Variants in CFAP221 observed in about 807,000 individuals in gnomAD.
CFAP221 encodes the protein cilia- and flagella-associated protein 221.
A neutral mutation model predicts 113.1 loss-of-function variants in CFAP221; 97 were observed. That is an observed-to-expected ratio of 0.86 (90% CI 0.73 to 1.02). CFAP221 has a LOEUF of 1.02. Among genes scored for constraint, CFAP221 ranks in the 50% least tolerant of loss-of-function variants. The pLI is 0.00. For synonymous variants in CFAP221, 331 were observed against 354.4 expected (o/e 0.93, Z 0.74); for missense variants, 1,025 against 1,013.4 (o/e 1.01, Z -0.16).
chr2:119,611,959 G>C (rs967211701), intron 13 of CFAP221, among the ~76,000 whole-genome samples: 2 of 152,080 alleles, frequency 1.3e-5, no homozygotes, highest in African/African-American at 4.8e-5. Flanking sequence ...ACATACTTTG[G>C]CCACTCCTTT....
At position 119,653,337 on chromosome 2, in the gene CFAP221, C is replaced by T. The variant is rs887131729; in HGVS notation, c.2414+1268C>T. Reference sequence around the variant, plus strand: ...CAAAGGTTTCAGTGAGCCAAGATCGCGCCATTGCACTCCAGCTGGGTGACA... The same window carrying T: ...CAAAGGTTTCAGTGAGCCAAGATCGTGCCATTGCACTCCAGCTGGGTGACA... On this transcript the variant is annotated intron_variant, in intron 23 of 23. Transcript: ENST00000413369. Among the ~76,000 whole-genome samples the T allele has an allele frequency of 5.3e-5, 8 of 152,024 alleles. No homozygotes were observed. In the East Asian group the frequency reaches 5.8e-4, roughly 11 times the overall value.
chr2:119,567,063 T>G (rs146817845), intron 6 of CFAP221, among the ~76,000 whole-genome samples: 2 of 152,282 alleles, frequency 1.3e-5, no homozygotes, highest in East Asian at 3.9e-4. Context: ...CATGCAGAGC[T>G]TCTCCTTATC....
chr2:119,620,242 A>C (rs935788128), intron 14 of CFAP221, among the ~76,000 whole-genome samples: 9 of 152,164 alleles, frequency 5.9e-5, no homozygotes, highest in Non-Finnish European at 1.2e-4. Context: ...TACAGAGAAC[A>C]CCACAAAGAT....
rs1218598839 is a variant in CFAP221 at position 119,568,610 on chromosome 2, G to A, written c.527+6496G>A. Among the ~76,000 whole-genome samples, 3 of 152,168 alleles carry A rather than the reference G, an allele frequency of 2.0e-5. No individual in the cohort carries two copies. The East Asian group carries it at 5.8e-4, about 29-fold the overall frequency. ...GCAGTGTTTGATTTTCTGTTCCTGT[G>A]TTAGTTGGCTGAGGATAATGGCTTC... On this transcript the variant is annotated intron_variant, in intron 6 of 23. Coordinates refer to ENST00000413369, the MANE Select transcript of CFAP221 (RefSeq NM_001271049.2).
chr2:119,609,272 T>G (rs898089666), intron 12 of CFAP221, among the ~76,000 whole-genome samples: 1 of 152,176 alleles, frequency 6.6e-6, no homozygotes, highest in Non-Finnish European at 1.5e-5. Context: ...AGGAGTCTGC[T>G]GGGGCTCTGT....
chr2:119,574,406 AACT>A (rs1207011265), intron 6 of CFAP221, among the ~76,000 whole-genome samples: 9 of 152,352 alleles, frequency 5.9e-5, no homozygotes, highest in African/African-American at 2.2e-4. Context: ...AGAAACTTTA[AACT>A]ACTATTAGAA....
intron 21 of CFAP221, 92 bp downstream of exon 21, chr2:119,639,964 C>G (rs1687382852): frequency 9.4e-7 from 1 of 1,058,900 alleles, no homozygotes; most frequent in African/African-American, 1.6e-5. Flanking sequence ...AATAATATGT[C>G]AAACCATACT....
In CFAP221 at chr2:119,604,672, A is replaced by G. The variant is rs1438606504; in HGVS notation, c.792A>G (p.Pro264=). 6.4e-7 allele frequency: 1 copy of G among 1,555,508 alleles called. No homozygotes were observed. The highest frequency in any genetic ancestry group is 8.6e-7 in the Non-Finnish European group (1 of 1,158,398). Residue 264 remains proline (P), a splice_region_variant and synonymous_variant, in exon 9 of 24, where the codon CCA becomes CCG. Transcript: ENST00000413369. ...ATTTAACACTTGTTTTAACCTATAG[A>G]TTAGAAGAGTTTGAAAGGTTGAATA... ...TGTCYPNMAL[P]LEEFERLNTL...
At chr2:119,600,746 G>A (rs771381024) in intron 7 of CFAP221, among the ~76,000 whole-genome samples, 1 of 151,946 alleles carries the variant, frequency 6.6e-6, no homozygotes, top group Non-Finnish European at 1.5e-5. Context: ...AAGTTAAACC[G>A]ACTGTGCCTG....
At chr2:119,638,124 TTCC>T in intron 19 of CFAP221, 132 bp from the exon 20 acceptor site, 1 of 843,130 alleles carries the variant, frequency 1.2e-6, no homozygotes, top group Non-Finnish European at 1.8e-6. Flanking sequence ...TGCTTCTCTT[TTCC>T]AGACAAGCTG....
chr2:119,589,153 C>T (rs777706606), intron 7 of CFAP221, among the ~76,000 whole-genome samples: 8 of 152,192 alleles, frequency 5.3e-5, no homozygotes, highest in Admixed American at 1.3e-4. Context: ...TCAGCCTCCT[C>T]GGTAGCTATT....
intron 19 of CFAP221, among the ~76,000 whole-genome samples, chr2:119,634,768 G>A (rs574539615): frequency 6.6e-6 from 1 of 152,282 alleles, no homozygotes; most frequent in Admixed American, 6.5e-5. Flanking sequence ...ATTGATAATA[G>A]CCAGATTGAC....
In CFAP221 at chr2:119,568,765, T is replaced by C. The variant is rs1024072882; in HGVS notation, c.527+6651T>C. On this transcript the variant is annotated intron_variant, in intron 6 of 23. Coordinates refer to ENST00000413369, the MANE Select transcript of CFAP221 (RefSeq NM_001271049.2). ...TTGATGGGCATTTGGGTTGATTCCA[T>C]GTCTTCGTTATTGTGAATAGTGCTG... 2.6e-5 allele frequency among the ~76,000 whole-genome samples: 4 copies of C among 152,314 alleles called. No individual in the cohort carries two copies. In the East Asian group the frequency reaches 7.7e-4, roughly 29 times the overall value.
intron 6 of CFAP221, among the ~76,000 whole-genome samples, chr2:119,565,707 T>C (rs1218964750): frequency 6.6e-6 from 1 of 152,222 alleles, no homozygotes; most frequent in Non-Finnish European, 1.5e-5. Flanking sequence ...CCTCCAGACA[T>C]TCTGGCAGCA....
At chr2:119,620,277 G>A (rs1685813427) in intron 14 of CFAP221, among the ~76,000 whole-genome samples, 1 of 152,062 alleles carries the variant, frequency 6.6e-6, no homozygotes, top group South Asian at 2.1e-4. Context: ...GCAACCCCAA[G>A]ACACATAATC....
intron 7 of CFAP221, among the ~76,000 whole-genome samples, chr2:119,597,514 G>C (rs1167691761): frequency 6.6e-6 from 1 of 152,206 alleles, no homozygotes; most frequent in Admixed American, 6.5e-5. Context: ...CACCAAGCTA[G>C]AGGAACCCTA....
At chr2:119,602,739 A>C (rs1684452692) in intron 8 of CFAP221, 6 of 985,280 alleles carry the variant, frequency 6.1e-6, no homozygotes, top group Non-Finnish European at 7.2e-6. Flanking sequence ...AAAACTGCTG[A>C]TTTTTCTGGT....
At chr2:119,618,833 T>G (rs757798252) in intron 14 of CFAP221, among the ~76,000 whole-genome samples, 15 of 152,126 alleles carry the variant, frequency 9.9e-5, no homozygotes, top group Admixed American at 2.6e-4. Context: ...CTAAGATCCA[T>G]TGGCTTGAAA....
chr2:119,583,934 G>A (rs1683025202), intron 6 of CFAP221, among the ~76,000 whole-genome samples: 1 of 152,194 alleles, frequency 6.6e-6, no homozygotes, highest in Non-Finnish European at 1.5e-5. Flanking sequence ...CCAGCCTCCA[G>A]AACTGTGAGG....
Sources: allele counts gnomAD v4.1 joint callset (sites outside exome capture counted in the v4.1 genomes callset), GRCh38; gene constraint gnomAD v4.1.1; transcripts MANE v1.5; gene names NCBI Gene and HGNC (gene_info 2026-07-23, HGNC 2026-07-21).